The following PARP1 variants were observed in gnomAD, a reference collection of about 807,000 sequenced individuals.
PARP1 encodes the protein poly [ADP-ribose] polymerase 1.
A neutral mutation model predicts 118.7 loss-of-function variants in PARP1; 44 were observed. That is an observed-to-expected ratio of 0.37 (90% CI 0.29 to 0.48). The LOEUF (loss-of-function observed/expected upper bound fraction) is 0.48. Among genes scored for constraint, PARP1 ranks in the 20% least tolerant of loss-of-function variants. The probability of loss-of-function intolerance (pLI) is 0.99; values close to 1 mark genes in which losing one functional copy is unlikely to be tolerated. For missense variants in PARP1, 1,100 were observed against 1,272.4 expected (o/e 0.86, Z 2.06); for synonymous variants, 492 against 483.2 (o/e 1.02, Z -0.24).
chr1:226,399,526 G>A (rs1261530210), intron 2 of PARP1, among the ~76,000 whole-genome samples: 1 of 152,170 alleles, frequency 6.6e-6, no homozygotes, highest in Non-Finnish European at 1.5e-5. Context: ...GGGGAGGGAG[G>A]AATGACTAGG....
chr1:226,394,109 G>A (rs1158041252), intron 2 of PARP1, among the ~76,000 whole-genome samples: 5 of 114,904 alleles, frequency 4.4e-5, no homozygotes, highest in African/African-American at 1.5e-4. Flanking sequence ...AGCACTCTGC[G>A]AGGATGAGGC....
At chr1:226,381,277 AG>A in intron 8 of PARP1, 69 bp from the exon 9 acceptor site, 1 of 1,589,106 alleles carries the variant, frequency 6.3e-7, no homozygotes, top group Non-Finnish European at 8.6e-7. Flanking sequence ...GGGGAGGTGG[AG>A]GAGCAGGTGA....
In PARP1 at chr1:226,381,115, T is replaced by A. The variant is rs745482815; in HGVS notation, c.1253A>T (p.Lys418Met). Residue 418 changes from lysine to methionine, a missense_variant, in exon 9 of 23, where the codon AAG becomes ATG. Lys to Met is a moderately conservative substitution (Grantham distance 95). This residue lies in a region of PARP1 where 948 missense variants were observed against 1,031.8 expected (regional missense o/e 0.92). Coordinates refer to ENST00000366794, the MANE Select transcript of PARP1 (RefSeq NM_001618.4). ...VKAMIEKLGG[K>M]LTGTANKASL... ...AGCCTTGTTGGCCGTCCCCGTCAAC[T>A]TCCCCCCGAGTTTCTCAATCATGGC... is the stretch of plus-strand genomic sequence containing the variant. 37 of 1,614,084 alleles carry A rather than the reference T, an allele frequency of 2.3e-5. No homozygotes were observed. Among genetic ancestry groups the A allele is most frequent in the Admixed American group, 3.3e-5 (2 of 60,014 alleles).
At chr1:226,361,682 T>A in intron 22 of PARP1, 141 bp from the exon 23 acceptor site, 1 of 725,138 alleles carries the variant, frequency 1.4e-6, no homozygotes. Flanking sequence ...GGTTGCCTCA[T>A]CTCCCCGGGG....
intron 13 of PARP1, 128 bp from the exon 14 acceptor site, chr1:226,374,482 T>A: frequency 1.9e-6 from 2 of 1,079,278 alleles, no homozygotes; most frequent in Non-Finnish European, 2.8e-6. Flanking sequence ...AGCTGAGTGT[T>A]AATCAAAAAG....
intron 19 of PARP1, among the ~76,000 whole-genome samples, chr1:226,364,746 GTC>G (rs1387110465): frequency 1.3e-5 from 2 of 152,268 alleles, no homozygotes; most frequent in Non-Finnish European, 2.9e-5. Context: ...GTAGCCACGT[GTC>G]TGTTCTTTGC....
intron 14 of PARP1, among the ~76,000 whole-genome samples, chr1:226,372,640 C>T (rs1175000401): frequency 1.3e-5 from 2 of 152,188 alleles, no homozygotes; most frequent in Non-Finnish European, 2.9e-5. Context: ...GTGCATTGCA[C>T]TCCAGCCCAG....
At chr1:226,385,821 C>T (rs1664705141) in intron 6 of PARP1, 141 bp from the exon 7 acceptor site, 1 of 766,402 alleles carries the variant, frequency 1.3e-6, no homozygotes, top group Non-Finnish European at 2.3e-6. Context: ...TGCTATGGGG[C>T]TCTTAACACC....
At chr1:226,367,277 A>G (rs1434093678) in intron 17 of PARP1, 2 of 626,012 alleles carry the variant, frequency 3.2e-6, no homozygotes, top group Admixed American at 2.5e-5. Context: ...AACAAGGTGC[A>G]TTATCTACAC....
intron 7 of PARP1, 95 bp downstream of exon 7, chr1:226,385,393 AGTCTGAGGAACATGGC>A: frequency 1.2e-6 from 1 of 862,342 alleles, no homozygotes; most frequent in South Asian, 1.4e-5. Flanking sequence ...GCTGTAAAGA[AGTCTGAGGAACATGGC>A]CCTGCAATCT....
chr1:226,399,073 CT>C (rs34094559), intron 2 of PARP1, among the ~76,000 whole-genome samples: 19,519 of 125,596 alleles, frequency 0.16, 1,133 homozygotes, highest in East Asian at 0.35. Context: ...ATGGAGGAAT[CT>C]TTTTTTTTTT....
intron 5 of PARP1, among the ~76,000 whole-genome samples, chr1:226,386,915 T>C (rs762080788): frequency 1.3e-5 from 2 of 152,230 alleles, no homozygotes; most frequent in Non-Finnish European, 2.9e-5. Flanking sequence ...GTATTTAAGC[T>C]CTTCTGAAAA....
At chr1:226,404,948 G>C (rs1457634533) in intron 1 of PARP1, among the ~76,000 whole-genome samples, 1 of 152,126 alleles carries the variant, frequency 6.6e-6, no homozygotes, top group East Asian at 1.9e-4. Context: ...TCCCAGGACA[G>C]AGCAACTCAA....
intron 15 of PARP1, among the ~76,000 whole-genome samples, chr1:226,369,334 C>A (rs1186624298): frequency 1.3e-5 from 2 of 152,212 alleles, no homozygotes; most frequent in Non-Finnish European, 2.9e-5. Context: ...GGCCTGCACC[C>A]ACCCACAAAT....
intron 1 of PARP1, among the ~76,000 whole-genome samples, chr1:226,404,707 A>G (rs1008075622): frequency 1.3e-5 from 2 of 152,216 alleles, no homozygotes; most frequent in Non-Finnish European, 2.9e-5. Context: ...GCACCAAACC[A>G]AGGTCACAAG....
At chr1:226,365,866 C>T in intron 18 of PARP1, 88 bp downstream of exon 18, 3 of 821,712 alleles carry the variant, frequency 3.7e-6, no homozygotes, top group Admixed American at 1.8e-5. Flanking sequence ...AAATAAACTG[C>T]TCTTTTCTAC....
At chr1:226,401,053 G>A (rs1016517995) in intron 2 of PARP1, among the ~76,000 whole-genome samples, 1 of 152,174 alleles carries the variant, frequency 6.6e-6, no homozygotes, top group Non-Finnish European at 1.5e-5. Flanking sequence ...TTTGCTTTCT[G>A]CTCTGCTATG....
chr1:226,364,885 A>C, intron 19 of PARP1, 117 bp downstream of exon 19: 1 of 1,180,826 alleles, frequency 8.5e-7, no homozygotes, highest in Non-Finnish European at 1.2e-6. Context: ...GTGAAGGCCC[A>C]AAGAAAGGAT....
chr1:226,388,713 C>A lies in PARP1; in HGVS notation c.660G>T (p.Ala220=). ...GDEVDGVDEV[A]KKKSKKEKDK... ...CTTTTTCTTTTTTAGATTTCTTCTT[C>A]GCCACTTCATCCACTCCATCCACCT... Residue 220 remains alanine, a synonymous_variant, in exon 5 of 23, where the codon GCG becomes GCT. Coordinates refer to ENST00000366794, the MANE Select transcript of PARP1 (RefSeq NM_001618.4). 6.2e-7 allele frequency: 1 copy of A among 1,614,060 alleles called. No individual in the cohort carries two copies. The highest frequency in any genetic ancestry group is 8.5e-7 in the Non-Finnish European group (1 of 1,179,962).
Sources: allele counts gnomAD v4.1 joint callset (sites outside exome capture counted in the v4.1 genomes callset), GRCh38; gene constraint gnomAD v4.1.1; regional missense constraint gnomAD v4.1.1; transcripts MANE v1.5; gene names NCBI Gene and HGNC (gene_info 2026-07-23, HGNC 2026-07-21).